Variants in CCDC198 observed in about 807,000 individuals in gnomAD.
CCDC198 encodes coiled-coil domain containing 198.
In CCDC198, 18 loss-of-function variants were observed where a neutral mutation model predicts 35.6. The ratio of observed to expected loss-of-function variants is 0.51; its 90% CI spans 0.35 to 0.75. The LOEUF is 0.75. Among genes scored for constraint, CCDC198 ranks in the 30% least tolerant of loss-of-function variants. CCDC198 has a pLI of 0.01. For synonymous variants in CCDC198, 119 were observed against 113.4 expected (o/e 1.05, Z -0.31); for missense variants, 365 against 343.7 (o/e 1.06, Z -0.49).
intron 3 of CCDC198, 69 bp downstream of exon 3, chr14:57,482,996 C>A: frequency 3.1e-6 from 5 of 1,606,926 alleles, no homozygotes; most frequent in Non-Finnish European, 4.3e-6. Flanking sequence ...GACCAGTGTG[C>A]TCCAGTGCCC....
Position 57,491,062 on chromosome 14 carries a change from T to A in CCDC198, c.233A>T (p.Asp78Val), listed in dbSNP as rs2067549784. 1.2e-6 allele frequency: 2 copies of A among 1,610,904 alleles called. No individual in the cohort carries two copies. Among genetic ancestry groups the A allele is most frequent in the Non-Finnish European group, 1.7e-6 (2 of 1,178,120 alleles). ...WYGRYSTASR[D>V]MYFDIPLEHR... The stretch of plus-strand genomic sequence containing the variant: ...TTCCAGTGGGATGTCAAAATACATG[T>A]CTCTGGATGCTTGAAGGATTGGGGA... The change falls in exon 2 of 6, where the codon GAC becomes GTC. Residue 78 changes from aspartate (D) to valine (V), a missense_variant. Physicochemically the swap from Asp to Val is radical, Grantham distance 152 (BLOSUM62 -3). Transcript: ENST00000216445.
intron 2 of CCDC198, among the ~76,000 whole-genome samples, chr14:57,487,961 G>A (rs1165236672): frequency 6.6e-6 from 1 of 152,126 alleles, no homozygotes; most frequent in African/African-American, 2.4e-5. Context: ...AGTCTACAGG[G>A]GAGATGACTC....
At chr14:57,486,389 G>A (rs1222298787) in intron 2 of CCDC198, among the ~76,000 whole-genome samples, 3 of 151,928 alleles carry the variant, frequency 2.0e-5, no homozygotes, top group Non-Finnish European at 2.9e-5. Context: ...GGATTTAAGC[G>A]CAAGTGTGTC....
chr14:57,479,625 T>A (rs1050561761), intron 5 of CCDC198, among the ~76,000 whole-genome samples: 4 of 152,178 alleles, frequency 2.6e-5, no homozygotes, highest in Non-Finnish European at 4.4e-5. Context: ...AACTCCCAGG[T>A]GATACTGATG....
intron 5 of CCDC198, among the ~76,000 whole-genome samples, chr14:57,473,882 A>T (rs145627685): frequency 7.0e-4 from 106 of 152,258 alleles, no homozygotes; most frequent in African/African-American, 2.5e-3. Context: ...TGAATCTCTC[A>T]TTCACCTAGA....
chr14:57,478,918 C>T, intron 5 of CCDC198: 1 of 1,260,876 alleles, frequency 7.9e-7, no homozygotes, highest in Non-Finnish European at 1.0e-6. Context: ...GCCAGCTTTT[C>T]TGCAGCTCTC....
chr14:57,485,749 A>T (rs536360804), intron 2 of CCDC198, among the ~76,000 whole-genome samples: 1 of 152,310 alleles, frequency 6.6e-6, no homozygotes, highest in South Asian at 2.1e-4. Flanking sequence ...AGGGCAAAGG[A>T]TGTGGAGACA....
intron 1 of CCDC198, among the ~76,000 whole-genome samples, chr14:57,491,452 G>A (rs938716311): frequency 3.3e-5 from 5 of 151,930 alleles, no homozygotes; most frequent in African/African-American, 9.7e-5. Flanking sequence ...TAAGACATCA[G>A]AAAAATATAT....
intron 5 of CCDC198, among the ~76,000 whole-genome samples, chr14:57,477,378 A>G (rs1261783725): frequency 5.9e-5 from 9 of 152,212 alleles, no homozygotes; most frequent in Admixed American, 4.6e-4. Context: ...ATGTTATTCT[A>G]AAAGTCTAGT....
intron 5 of CCDC198, among the ~76,000 whole-genome samples, chr14:57,473,972 G>T (rs1398204751): frequency 6.6e-6 from 1 of 152,018 alleles, no homozygotes; most frequent in Non-Finnish European, 1.5e-5. Context: ...AGCACCCATG[G>T]TCCTCACACC....
chr14:57,475,083 A>C (rs1333638930), intron 5 of CCDC198, among the ~76,000 whole-genome samples: 1 of 151,916 alleles, frequency 6.6e-6, no homozygotes, highest in Non-Finnish European at 1.5e-5. Context: ...AACACAGTGA[A>C]CCCCCGTCTC....
At chr14:57,476,017 G>A (rs1292689481) in intron 5 of CCDC198, among the ~76,000 whole-genome samples, 1 of 151,610 alleles carries the variant, frequency 6.6e-6, no homozygotes, top group Non-Finnish European at 1.5e-5. Context: ...TGGCCAGGCT[G>A]GTCTCGAGCT....
rs1249839799 is a variant in CCDC198 at position 57,470,204 on chromosome 14, C to T, written c.*1151G>A. 6.6e-6 allele frequency: 1 copy of T among 152,158 alleles called. No homozygotes were observed. The highest frequency in any genetic ancestry group is 2.4e-5 in the African/African-American group (1 of 41,438). The allele number at this position is 152,158 out of a possible 1,614,324, so 9.4% of individuals were successfully genotyped here. A position where few individuals can be genotyped will look rare whatever the true frequency, so the allele number is the denominator to read the frequency against. ...TTATCTCACGTGTATCCTGTAGGCTCTCTGTTACGGTTAGCTCACTAGAAA... is the reference window on the plus strand; with the variant it reads ...TTATCTCACGTGTATCCTGTAGGCTTTCTGTTACGGTTAGCTCACTAGAAA... On this transcript the variant is annotated 3_prime_UTR_variant, in exon 6 of 6. Coordinates refer to ENST00000216445, the MANE Select transcript of CCDC198 (RefSeq NM_018168.4).
chr14:57,492,182 G>A (rs897644127), intron 1 of CCDC198, among the ~76,000 whole-genome samples: 4 of 151,774 alleles, frequency 2.6e-5, no homozygotes, highest in African/African-American at 9.7e-5. Flanking sequence ...GATTACAAGT[G>A]AAAAAAATTG....
Position 57,490,975 on chromosome 14 carries a change from T to C in CCDC198, c.306+14A>G. 1 of 1,548,408 alleles carries C rather than the reference T, an allele frequency of 6.5e-7. No individual in the cohort carries two copies. Among genetic ancestry groups the C allele is most frequent in the South Asian group, 1.1e-5 (1 of 88,506 alleles). On this transcript the variant is annotated intron_variant, in intron 2 of 5. Transcript: ENST00000216445. ...CCAAGAAATTCCTTATGAAGCCTTT[T>C]AAATTCATCTTACTTGAAGTCTTTG...
In CCDC198 at chr14:57,478,660, G is replaced by C. The variant is rs536347394; in HGVS notation, c.655+1935C>G. On this transcript the variant is annotated intron_variant, in intron 5 of 5. Coordinates refer to ENST00000216445, the MANE Select transcript of CCDC198 (RefSeq NM_018168.4). ...TAACTTTAGGTGAGGTTTTTTTCTT[G>C]GTTGTTTTGTGTATATTTTTTAAGG... is the stretch of plus-strand genomic sequence containing the variant. The C allele has an allele frequency of 3.9e-5, 39 of 993,800 alleles. 1 individual carries two copies. In the South Asian group the frequency reaches 1.7e-3, roughly 43 times the overall value. 61.6% of individuals were successfully genotyped at this position (993,800 alleles called of 1,614,324 possible).
chr14:57,493,534 A>G lies in CCDC198; in HGVS notation c.182T>C (p.Leu61Pro). The G allele has an allele frequency of 1.2e-6, 2 of 1,613,980 alleles. No homozygotes were observed. The highest frequency in any genetic ancestry group is 1.7e-6 in the Non-Finnish European group (2 of 1,179,896). ...ATACCAGTTTTCTTGTAAAGGTGGCAGCTGCCCTTCCAAGGCTTTATTCTG... is the reference window on the plus strand; with the variant it reads ...ATACCAGTTTTCTTGTAAAGGTGGCGGCTGCCCTTCCAAGGCTTTATTCTG... Reference protein sequence around the residue: ...QDQNKALEGQLPPLQENWYGR... With the variant: ...QDQNKALEGQPPPLQENWYGR... Residue 61 changes from leucine (L) to proline (P), a missense_variant, in exon 1 of 6, where the codon CTG becomes CCG. Physicochemically the swap from Leu to Pro is moderately conservative, Grantham distance 98. Coordinates refer to ENST00000216445, the MANE Select transcript of CCDC198 (RefSeq NM_018168.4).
intron 1 of CCDC198, among the ~76,000 whole-genome samples, chr14:57,493,033 A>T (rs1168080876): frequency 6.6e-6 from 1 of 152,152 alleles, no homozygotes; most frequent in Non-Finnish European, 1.5e-5. Context: ...GGTGGTTTCA[A>T]AATTCATGTT....
intron 3 of CCDC198, 37 bp downstream of exon 3, chr14:57,483,028 C>G: frequency 1.2e-6 from 2 of 1,613,542 alleles, no homozygotes; most frequent in South Asian, 1.1e-5. Context: ...CGCCCACCCC[C>G]AGTTCACCTC....
Sources: allele counts gnomAD v4.1 joint callset (sites outside exome capture counted in the v4.1 genomes callset), GRCh38; gene constraint gnomAD v4.1.1; transcripts MANE v1.5; gene names NCBI Gene and HGNC (gene_info 2026-07-23, HGNC 2026-07-21).